IQSEC3: variants seen among roughly 807,000 people sequenced by gnomAD.
IQSEC3 encodes IQ motif and SEC7 domain-containing protein 3.
In IQSEC3, 50 loss-of-function variants were observed where a neutral mutation model predicts 105.4. That is an observed-to-expected ratio of 0.47 (90% CI 0.38 to 0.60). IQSEC3 has a LOEUF of 0.60. Ranked by LOEUF, IQSEC3 falls within the 20% of genes least tolerant of loss-of-function variation. The pLI, the probability that IQSEC3 is intolerant of heterozygous loss-of-function variation, is 0.00. For missense variants in IQSEC3, 1,415 were observed against 1,630.0 expected (o/e 0.87, Z 2.27); for synonymous variants, 708 against 746.0 (o/e 0.95, Z 0.83).
chr12:91,756 G>T (rs533694124), intron 1 of IQSEC3, among the ~76,000 whole-genome samples: 1 of 152,244 alleles, frequency 6.6e-6, no homozygotes, highest in South Asian at 2.1e-4. Context: ...ACTCCAGGCT[G>T]GGCGATGGAG....
At chr12:174,048 A>C (rs1939143732) in intron 13 of IQSEC3, among the ~76,000 whole-genome samples, 1 of 152,106 alleles carries the variant, frequency 6.6e-6, no homozygotes, top group Non-Finnish European at 1.5e-5. Context: ...GGCCGTGGGG[A>C]GTCTGGGAGG....
rs911038280 is a variant in IQSEC3, at chr12:152,257, G to A, written c.2154-4768G>A. Among the ~76,000 whole-genome samples, 13 of 152,332 alleles carry A rather than the reference G, an allele frequency of 8.5e-5. No homozygotes were observed. Among genetic ancestry groups the A allele is most frequent in the African/African-American group, 3.1e-4 (13 of 41,576 alleles). On this transcript the variant is annotated intron_variant, in intron 5 of 13. Transcript: ENST00000538872. This position sits in a 1 kb window ranked among gnomAD's most constrained non-coding sequence, Gnocchi z 4.8. ...CCCAGGCCAGCTCTGAACCTGCAGG[G>A]TGACCACAGAGCCCCCGTGCTGACT... is the stretch of plus-strand genomic sequence containing the variant.
rs189943120 is a variant in IQSEC3, at chr12:139,418, G to T, written c.1991+64G>T. 332 of 1,331,950 alleles carry T rather than the reference G, an allele frequency of 2.5e-4. No homozygotes were observed. In the East Asian group the frequency reaches 7.3e-3, roughly 29 times the overall value. 82.5% of individuals were successfully genotyped at this position (1,331,950 alleles called of 1,614,324 possible). A position where few individuals can be genotyped will look rare whatever the true frequency, so the allele number is the denominator to read the frequency against. Reference sequence around the variant, plus strand: ...TCCTGGGAGGGAGGGAAGGAGGAGGGCACCTTCCCTCCACCAAGCAGGGCG... The same window carrying T: ...TCCTGGGAGGGAGGGAAGGAGGAGGTCACCTTCCCTCCACCAAGCAGGGCG... On this transcript the variant is annotated intron_variant, in intron 4 of 13. Transcript: ENST00000538872.
At chr12:100,308 G>A (rs930666281) in intron 2 of IQSEC3, among the ~76,000 whole-genome samples, 5 of 152,218 alleles carry the variant, frequency 3.3e-5, no homozygotes, top group Non-Finnish European at 5.9e-5. Context: ...CACAGTCACA[G>A]AGCAAGGACC....
chr12:157,652 G>A lies in IQSEC3; in HGVS notation c.2401G>A (p.Asp801Asn), dbSNP rs1555094882. ...CATGTACAGCCCCAACATCAAGCCT[G>A]ACCGGAAGATGATGCTGGAGGACTT... ...TDMYSPNIKP[D>N]RKMMLEDFIR... The change falls in exon 7 of 14, where the codon GAC becomes AAC. Residue 801 changes from aspartate (D) to asparagine (N), a missense_variant. Asp to Asn is a conservative substitution (Grantham distance 23, BLOSUM62 1). Around this residue, in one of 6 missense-constraint regions of IQSEC3, gnomAD observed 213 missense variants for 306.2 expected, o/e 0.70. Coordinates refer to ENST00000538872, the MANE Select transcript of IQSEC3 (RefSeq NM_001170738.2). The A allele has an allele frequency of 5.6e-6, 9 of 1,614,012 alleles. No individual in the cohort carries two copies. The highest frequency in any genetic ancestry group is 8.5e-7 in the Non-Finnish European group (1 of 1,179,942).
At chr12:108,882 C>T (rs144521951) in intron 2 of IQSEC3, among the ~76,000 whole-genome samples, 17 of 152,338 alleles carry the variant, frequency 1.1e-4, no homozygotes, top group Non-Finnish European at 2.1e-4. Flanking sequence ...CCTGGCAGGC[C>T]GAGAGCTGCA....
At chr12:168,985 C>T in intron 11 of IQSEC3, 28 bp from the exon 12 acceptor site, 1 of 1,601,098 alleles carries the variant, frequency 6.2e-7, no homozygotes, top group Non-Finnish European at 8.6e-7. Context: ...TAAGGTTTCT[C>T]TTGCTCACGG....
intron 1 of IQSEC3, among the ~76,000 whole-genome samples, chr12:86,546 C>T (rs573661976): frequency 6.6e-6 from 1 of 152,122 alleles, no homozygotes; most frequent in Non-Finnish European, 1.5e-5. Context: ...GAGATAGATG[C>T]TGTCCATATC....
intron 11 of IQSEC3, among the ~76,000 whole-genome samples, chr12:168,477 T>C (rs1435331984): frequency 2.6e-5 from 4 of 152,182 alleles, no homozygotes; most frequent in African/African-American, 7.2e-5. Flanking sequence ...CTGTGCCAAG[T>C]GCGTTTCACA....
At chr12:136,556 T>G (rs1555086446) in intron 3 of IQSEC3, among the ~76,000 whole-genome samples, 3 of 152,280 alleles carry the variant, frequency 2.0e-5, no homozygotes. Context: ...CCTTTCTATC[T>G]GTACCCTCGC....
chr12:82,535 C>G (rs1211077481), intron 1 of IQSEC3, among the ~76,000 whole-genome samples: 4 of 152,164 alleles, frequency 2.6e-5, no homozygotes, highest in African/African-American at 9.7e-5. Flanking sequence ...CAGCTAACTA[C>G]ACATGCTGAC....
chr12:165,088 G>A (rs1168751696), intron 9 of IQSEC3, among the ~76,000 whole-genome samples: 2 of 152,206 alleles, frequency 1.3e-5, no homozygotes, highest in African/African-American at 4.8e-5. Context: ...CAGTGTATGC[G>A]AGGGGCCCAC....
intron 5 of IQSEC3, chr12:144,179 G>T: frequency 6.6e-6 from 1 of 152,342 alleles, no homozygotes. Context: ...GTCCTGCAAA[G>T]GGCAGGAGAA....
chr12:164,855 C>T (rs193067650), intron 9 of IQSEC3: 7,249 of 152,480 alleles, frequency 0.048, 243 homozygotes, highest in Middle Eastern at 0.082. Context: ...AAGAAACAGA[C>T]AAACAAGATA....
In IQSEC3 at chr12:139,195, C is replaced by T. The variant is rs376678794; in HGVS notation, c.1832C>T (p.Ser611Leu). The change falls in exon 4 of 14, where the codon TCG (serine) becomes TTG (leucine). Residue 611 changes from serine (S) to leucine (L), a missense_variant. Transcript: ENST00000538872. The part of the protein sequence containing the change: ...STSTKSAKSG[S>L]EASASASKDA... Reference sequence around the variant, plus strand: ...TCCACCAAGTCCGCCAAGTCAGGCTCGGAGGCGTCGGCCTCCGCCTCCAAG... The same window carrying T: ...TCCACCAAGTCCGCCAAGTCAGGCTTGGAGGCGTCGGCCTCCGCCTCCAAG... 112 of 1,589,242 alleles carry T rather than the reference C, an allele frequency of 7.0e-5. No individual in the cohort carries two copies. Among genetic ancestry groups the T allele is most frequent in the Admixed American group, 2.8e-4 (16 of 57,002 alleles).
rs1867122831 is a variant in IQSEC3, at chr12:165,466, C to T, written c.2742C>T (p.Ser914=). 6.2e-7 allele frequency: 1 copy of T among 1,614,144 alleles called. No individual in the cohort carries two copies. The highest frequency in any genetic ancestry group is 1.1e-5 in the South Asian group (1 of 91,092). The part of the protein sequence containing the change: ...ILKLCPKKKS[S]STYTFCKSVG... ...AACTTTGCCCGAAGAAGAAGAGCTCCTCCACGTACACCTTTTGCAAGTCAG... is the reference window on the plus strand; with the variant it reads ...AACTTTGCCCGAAGAAGAAGAGCTCTTCCACGTACACCTTTTGCAAGTCAG... The change falls in exon 10 of 14, where the codon TCC becomes TCT. Residue 914 remains serine (S), a synonymous_variant. Transcript: ENST00000538872.
chr12:75,084 A>G (rs549346449), intron 1 of IQSEC3, among the ~76,000 whole-genome samples: 107 of 152,378 alleles, frequency 7.0e-4, no homozygotes, highest in African/African-American at 2.1e-3. Context: ...TAGGTACTTC[A>G]AGGTTATCCT....
At chr12:143,821 G>A (rs1177906865) in intron 5 of IQSEC3, 22 of 155,328 alleles carry the variant, frequency 1.4e-4, no homozygotes, top group Non-Finnish European at 2.1e-4. Flanking sequence ...GCCACGCTGG[G>A]CACCCGTGTG....
At chr12:81,643 G>A (rs763976997) in intron 1 of IQSEC3, among the ~76,000 whole-genome samples, 4 of 152,202 alleles carry the variant, frequency 2.6e-5, no homozygotes, top group Non-Finnish European at 4.4e-5. Context: ...GACGGATGGC[G>A]TTTGAGACAG....
Sources: allele counts gnomAD v4.1 joint callset (sites outside exome capture counted in the v4.1 genomes callset), GRCh38; gene constraint gnomAD v4.1.1; regional missense constraint gnomAD v4.1.1; non-coding constraint Gnocchi (gnomAD v3.1); transcripts MANE v1.5; gene names NCBI Gene and HGNC (gene_info 2026-07-23, HGNC 2026-07-21).